The following KLHDC4 variants were observed in gnomAD, a reference collection of about 807,000 sequenced individuals.
The protein encoded by KLHDC4 is kelch domain containing 4, also known as kelch domain-containing protein 4.
In KLHDC4, 90 loss-of-function variants were observed where a neutral mutation model predicts 62.4. The observed-to-expected ratio is 1.44, with a 90% CI of 1.22 to 1.72. The LOEUF is 1.72. Ranked by LOEUF, KLHDC4 falls within the 40% of genes most tolerant of loss-of-function variation. The pLI, the probability that KLHDC4 is intolerant of heterozygous loss-of-function variation, is 0.00. For synonymous variants in KLHDC4, 386 were observed against 284.4 expected, an observed-to-expected ratio of 1.36 and a Z score of -3.59; for missense variants, 1,025 against 699.7, an observed-to-expected ratio of 1.47 and a Z score of -5.25.
chr16:87,699,161 T>C (rs1334652957), exon 1 of KLHDC4: 1 of 152,284 alleles, frequency 6.6e-6, no homozygotes. Flanking sequence ...GGGCCTCTGG[T>C]GAAACTGTCT....
At chr16:87,722,890 G>A (rs1238020264) in intron 7 of KLHDC4, among the ~76,000 whole-genome samples, 1 of 152,270 alleles carries the variant, frequency 6.6e-6, no homozygotes, top group Non-Finnish European at 1.5e-5. Flanking sequence ...TACTTGCTCA[G>A]TGAAATGTGA....
exon 1 of KLHDC4, chr16:87,702,553 C>T (rs751512737): frequency 9.6e-5 from 34 of 352,830 alleles, no homozygotes; most frequent in Middle Eastern, 8.2e-4. Flanking sequence ...CCCTCCTGGA[C>T]GCTGAGCTGA....
chr16:87,710,141 G>A (rs1176822633), intron 9 of KLHDC4: 4 of 161,596 alleles, frequency 2.5e-5, no homozygotes, highest in Admixed American at 1.2e-4. Flanking sequence ...TACAAACGGC[G>A]AGCCAGAGAG....
intron 5 of KLHDC4, among the ~76,000 whole-genome samples, chr16:87,748,129 G>A (rs908192536): frequency 2.0e-5 from 3 of 152,120 alleles, no homozygotes; most frequent in Non-Finnish European, 4.4e-5. Context: ...CTTGACTAAT[G>A]GGAGACACCC....
chr16:87,725,149 C>A (rs1383019132), intron 7 of KLHDC4, among the ~76,000 whole-genome samples: 1 of 152,044 alleles, frequency 6.6e-6, no homozygotes, highest in Non-Finnish European at 1.5e-5. Flanking sequence ...GTGGGAAAAT[C>A]AGAGCAGCGT....
intron 7 of KLHDC4, among the ~76,000 whole-genome samples, chr16:87,716,600 GC>G (rs1197788627): frequency 6.6e-6 from 1 of 152,080 alleles, no homozygotes; most frequent in African/African-American, 2.4e-5. Context: ...TCTCAAGGGA[GC>G]CCTGGTTCCC....
rs1439186230 is a variant in KLHDC4 at position 87,749,220 on chromosome 16, G to A, written c.370-411C>T. ...TTAATCCCTCTCCTTGCTATCATGT[G>A]CCAACTAAATTAGCCTCAGAAGTAC... On this transcript the variant is annotated intron_variant, in intron 4 of 11. Coordinates refer to ENST00000270583, the MANE Select transcript of KLHDC4 (RefSeq NM_017566.4). 2.6e-5 allele frequency among the ~76,000 whole-genome samples: 4 copies of A among 151,884 alleles called. No individual in the cohort carries two copies. The East Asian group carries it at 7.7e-4, about 29-fold the overall frequency.
chr16:87,765,624 C>T (rs964187338), intron 1 of KLHDC4, among the ~76,000 whole-genome samples, 168 bp downstream of exon 1: 1 of 152,098 alleles, frequency 6.6e-6, no homozygotes, highest in Non-Finnish European at 1.5e-5. Flanking sequence ...GGGCGGGCCC[C>T]GTCTGGGCTG....
intron 8 of KLHDC4, among the ~76,000 whole-genome samples, chr16:87,713,093 A>T (rs892188297): frequency 6.6e-6 from 1 of 152,154 alleles, no homozygotes; most frequent in Non-Finnish European, 1.5e-5. Flanking sequence ...GTGCAGTGGC[A>T]CGATCTCAGC....
Position 87,730,578 on chromosome 16 carries a change from C to A in KLHDC4, c.573G>T (p.Leu191=), listed in dbSNP as rs138756136. The change falls in exon 6 of 12, where the codon CTG becomes CTT. Residue 191 remains leucine, a synonymous_variant. Transcript: ENST00000270583. ...GTGTACTTTCATGGAAGCCACCAAA[C>A]AGGATCAATTGTCTCTTCCAGGCCA... The part of the protein sequence containing the change: ...RMVAWKRQLI[L]FGGFHESTRD... 1.9e-6 allele frequency: 3 copies of A among 1,612,918 alleles called. No individual in the cohort carries two copies. The African/African-American group carries it at 4.0e-5, about 22-fold the overall frequency.
At chr16:87,723,264 G>C (rs949325059) in intron 7 of KLHDC4, among the ~76,000 whole-genome samples, 40 of 152,240 alleles carry the variant, frequency 2.6e-4, no homozygotes, top group African/African-American at 8.0e-4. Flanking sequence ...AATCTCTCAT[G>C]AATCCAAACA....
In KLHDC4 at chr16:87,715,290, T is replaced by C. The variant is rs1486962641; in HGVS notation, c.760-717A>G. On this transcript the variant is annotated intron_variant, in intron 7 of 11. Coordinates refer to ENST00000270583, the MANE Select transcript of KLHDC4 (RefSeq NM_017566.4). Reference sequence around the variant, plus strand: ...TTTTTAATACACTATTTTAGAAGTTTTGTATTTGCAGAAAATTGAGACGAT... The same window carrying C: ...TTTTTAATACACTATTTTAGAAGTTCTGTATTTGCAGAAAATTGAGACGAT... 2.6e-5 allele frequency among the ~76,000 whole-genome samples: 4 copies of C among 152,340 alleles called. No individual in the cohort carries two copies. The South Asian group carries it at 6.2e-4, about 24-fold the overall frequency.
At chr16:87,741,371 G>A (rs1407055762) in intron 5 of KLHDC4, among the ~76,000 whole-genome samples, 1 of 152,214 alleles carries the variant, frequency 6.6e-6, no homozygotes, top group Non-Finnish European at 1.5e-5. Context: ...GGGGCCAGCA[G>A]GCATCAAAGG....
At chr16:87,720,325 C>G (rs980430815) in intron 7 of KLHDC4, among the ~76,000 whole-genome samples, 32 of 152,138 alleles carry the variant, frequency 2.1e-4, no homozygotes, top group Non-Finnish European at 3.7e-4. Flanking sequence ...GATAGGGTGT[C>G]GGTTCCAAGC....
chr16:87,707,217 G>A (rs2034842170), downstream of KLHDC4, among the ~76,000 whole-genome samples: 2 of 152,234 alleles, frequency 1.3e-5, no homozygotes, highest in African/African-American at 4.8e-5. Flanking sequence ...CAGCCTTCGG[G>A]GGCAAGGAGG....
At chr16:87,764,006 G>A (rs775911671) in intron 1 of KLHDC4, among the ~76,000 whole-genome samples, 3 of 152,220 alleles carry the variant, frequency 2.0e-5, no homozygotes, top group Admixed American at 2.0e-4. Flanking sequence ...GACAGGCAGA[G>A]GCCAGGACTA....
At chr16:87,699,058 T>TC (rs1034839569) in exon 1 of KLHDC4, 3 of 152,018 alleles carry the variant, frequency 2.0e-5, no homozygotes, top group African/African-American at 4.8e-5. Flanking sequence ...GGCTGGCGTC[T>TC]CCCCACCCTT....
In KLHDC4 at chr16:87,711,225, G is replaced by T; in HGVS notation, c.1044+10C>A. The T allele has an allele frequency of 6.2e-7, 1 of 1,613,794 alleles. No homozygotes were observed. The highest frequency in any genetic ancestry group is 8.5e-7 in the Non-Finnish European group (1 of 1,179,906). On this transcript the variant is annotated intron_variant, in intron 9 of 11. Coordinates refer to ENST00000270583, the MANE Select transcript of KLHDC4 (RefSeq NM_017566.4). ...GCACCACGGCGCATGCTACTCAGAGGTTGCACTACCTTCAGCTGTCCCTCA... is the reference window on the plus strand; with the variant it reads ...GCACCACGGCGCATGCTACTCAGAGTTTGCACTACCTTCAGCTGTCCCTCA...
intron 5 of KLHDC4, among the ~76,000 whole-genome samples, chr16:87,739,404 T>C (rs1597226024): frequency 1.2e-5 from 1 of 86,350 alleles, no homozygotes; most frequent in Non-Finnish European, 2.4e-5. Flanking sequence ...CACCAGCACC[T>C]CATCCACACA....
Sources: allele counts gnomAD v4.1 joint callset (sites outside exome capture counted in the v4.1 genomes callset), GRCh38; gene constraint gnomAD v4.1.1; transcripts MANE v1.5; gene names NCBI Gene and HGNC (gene_info 2026-07-23, HGNC 2026-07-21).